Variants in PCDH7 observed in about 807,000 individuals in gnomAD.
PCDH7 encodes protocadherin-7.
PCDH7 carries 17 observed loss-of-function variants against 58.9 expected under a neutral mutation model. The observed-to-expected ratio is 0.29, with a 90% CI of 0.20 to 0.43. The LOEUF is 0.43. Ranked by LOEUF, PCDH7 falls within the 20% of genes least tolerant of loss-of-function variation. PCDH7 has a pLI of 1.00. For missense variants in PCDH7, 1,274 were observed against 1,441.0 expected, an observed-to-expected ratio of 0.88 and a Z score of 1.88; for synonymous variants, 664 against 616.4, an observed-to-expected ratio of 1.08 and a Z score of -1.14.
chr4:31,123,348 C>A (rs1424628586), intron 3 of PCDH7, among the ~76,000 whole-genome samples: 1 of 152,002 alleles, frequency 6.6e-6, no homozygotes, highest in African/African-American at 2.4e-5. Flanking sequence ...AGAAAGAATA[C>A]GTAGAATAGT....
At chr4:30,774,056 C>A (rs1361689959) in intron 1 of PCDH7, among the ~76,000 whole-genome samples, 2 of 152,230 alleles carry the variant, frequency 1.3e-5, no homozygotes, top group African/African-American at 2.4e-5. Flanking sequence ...TCAGCATTTT[C>A]TTTGCTCAGT....
rs180755828 is a variant in PCDH7 at position 30,854,271 on chromosome 4, G to A, written c.71-65882G>A. Among the ~76,000 whole-genome samples, 3 of 148,830 alleles carry A rather than the reference G, an allele frequency of 2.0e-5. No homozygotes were observed. In the Admixed American group the frequency reaches 2.0e-4, roughly 10 times the overall value. On this transcript the variant is annotated intron_variant, in intron 1 of 3. Transcript: ENST00000509759. The stretch of plus-strand genomic sequence containing the variant: ...GGGGCTTTCTTGTGCATTGTGGGAC[G>A]TTTAACTGCATCCCTGGCCCTACAT...
chr4:30,828,028 T>C (rs1729317016), intron 1 of PCDH7, among the ~76,000 whole-genome samples: 1 of 152,196 alleles, frequency 6.6e-6, no homozygotes, highest in South Asian at 2.1e-4. Context: ...ATCTATAAAA[T>C]GAGGATAGCA....
intron 1 of PCDH7, among the ~76,000 whole-genome samples, chr4:30,822,941 T>G (rs1331720238): frequency 6.6e-6 from 1 of 152,116 alleles, no homozygotes; most frequent in Admixed American, 6.5e-5. Context: ...GCGTTTTATA[T>G]GTGAGTAAGA....
chr4:31,027,148 A>G (rs896791059), intron 3 of PCDH7, among the ~76,000 whole-genome samples: 9 of 151,306 alleles, frequency 5.9e-5, no homozygotes, highest in African/African-American at 9.7e-5. Flanking sequence ...ACCAGACCCA[A>G]CTCTTTCTGC....
At chr4:30,842,680 T>A (rs1485746266) in intron 1 of PCDH7, among the ~76,000 whole-genome samples, 3 of 152,092 alleles carry the variant, frequency 2.0e-5, no homozygotes, top group African/African-American at 7.2e-5. Flanking sequence ...GAAGGCAGGT[T>A]GTGAAGGATC....
chr4:30,943,121 C>G (rs1479964693), intron 2 of PCDH7, among the ~76,000 whole-genome samples: 1 of 151,928 alleles, frequency 6.6e-6, no homozygotes, highest in African/African-American at 2.4e-5. Flanking sequence ...TATCATATTT[C>G]TATTTTTAAA....
chr4:31,093,459 T>G (rs1713528908), intron 3 of PCDH7, among the ~76,000 whole-genome samples: 1 of 152,066 alleles, frequency 6.6e-6, no homozygotes, highest in East Asian at 1.9e-4. Flanking sequence ...AATATACATC[T>G]CTGAGTCCAT....
At position 31,048,004 on chromosome 4, in the gene PCDH7, A is replaced by C. The variant is rs533627712; in HGVS notation, c.*8-94469A>C. Among the ~76,000 whole-genome samples the C allele has an allele frequency of 1.0e-3, 156 of 152,128 alleles. 1 individual carries two copies. The highest frequency in any genetic ancestry group is 0.01 in the Middle Eastern group (3 of 294). On this transcript the variant is annotated intron_variant, in intron 3 of 3. Coordinates refer to the PCDH7 transcript ENST00000509759. ...ATAATAAATTTTACCTTATGGTTGC[A>C]TAGTAGTTATACTCCTCAAAACTTT...
At chr4:31,088,676 A>G (rs1016121369) in intron 3 of PCDH7, among the ~76,000 whole-genome samples, 2 of 152,082 alleles carry the variant, frequency 1.3e-5, no homozygotes, top group Non-Finnish European at 2.9e-5. Context: ...GCCTAAAAAC[A>G]TTATTGCTGA....
chr4:30,984,022 A>T (rs570745816), intron 3 of PCDH7, among the ~76,000 whole-genome samples: 1 of 152,302 alleles, frequency 6.6e-6, no homozygotes, highest in South Asian at 2.1e-4. Context: ...TATCCCTAGT[A>T]CTAAGATTGA....
At chr4:31,132,184 A>G (rs1479461376) in intron 3 of PCDH7, among the ~76,000 whole-genome samples, 1 of 152,110 alleles carries the variant, frequency 6.6e-6, no homozygotes, top group African/African-American at 2.4e-5. Context: ...TGCAGAGGCT[A>G]TTTCTTCTCA....
In PCDH7 at chr4:30,723,682, C is replaced by G; in HGVS notation, c.2260C>G (p.Pro754Ala). 2.5e-6 allele frequency: 4 copies of G among 1,614,110 alleles called. No individual in the cohort carries two copies. Among genetic ancestry groups the G allele is most frequent in the Non-Finnish European group, 3.4e-6 (4 of 1,179,982 alleles). Reference sequence around the variant, plus strand: ...CAAAAACATTTCCTACACTTTACTGCCACCTTCGAGTAATGTCAGGACAGT... The same window carrying G: ...CAAAAACATTTCCTACACTTTACTGGCACCTTCGAGTAATGTCAGGACAGT... The change falls in exon 1 of 2, where the codon CCA becomes GCA. Residue 754 changes from proline to alanine, a missense_variant. Coordinates refer to ENST00000361762, the Ensembl canonical transcript of PCDH7. This position sits in a 1 kb window ranked among gnomAD's most constrained non-coding sequence, Gnocchi z 4.6.
chr4:31,014,159 TG>T lies in PCDH7; in HGVS notation c.*7+63946del, dbSNP rs549904339. On this transcript the variant is annotated intron_variant, in intron 3 of 3. Transcript: ENST00000509759. Reference sequence around the variant, plus strand: ...GCATTGCTATAGAAAAAAAAGGAAGTGGCCTATTTAAATTATACAGCAAAAA... The same window carrying T: ...GCATTGCTATAGAAAAAAAAGGAAGTGCCTATTTAAATTATACAGCAAAAA... Among the ~76,000 whole-genome samples, 5 of 152,014 alleles carry T rather than the reference TG, an allele frequency of 3.3e-5. No individual in the cohort carries two copies. The East Asian group carries it at 9.7e-4, about 29-fold the overall frequency.
chr4:30,990,835 C>A (rs970006880), intron 3 of PCDH7, among the ~76,000 whole-genome samples: 3 of 152,114 alleles, frequency 2.0e-5, no homozygotes, highest in African/African-American at 7.2e-5. Context: ...CTCAACTTCC[C>A]ATTTTTAAAA....
intron 3 of PCDH7, among the ~76,000 whole-genome samples, chr4:31,023,701 C>T (rs1222594163): frequency 6.6e-6 from 1 of 152,082 alleles, no homozygotes; most frequent in East Asian, 1.9e-4. Flanking sequence ...TTCCTCCTTC[C>T]TTCCTTCCTG....
intron 3 of PCDH7, among the ~76,000 whole-genome samples, chr4:31,115,585 G>A (rs550598649): frequency 6.6e-6 from 1 of 152,038 alleles, no homozygotes; most frequent in African/African-American, 2.4e-5. Context: ...AAAACAGTAG[G>A]ATTCTTGTTT....
intron 1 of PCDH7, among the ~76,000 whole-genome samples, chr4:30,828,532 T>C (rs1327954240): frequency 1.3e-5 from 2 of 151,892 alleles, no homozygotes; most frequent in Non-Finnish European, 2.9e-5. Flanking sequence ...AGAATGCATG[T>C]GTTCATCATG....
At chr4:30,827,955 G>T (rs1729309203) in intron 1 of PCDH7, among the ~76,000 whole-genome samples, 1 of 152,116 alleles carries the variant, frequency 6.6e-6, no homozygotes, top group Admixed American at 6.6e-5. Context: ...AAGTCCAGCA[G>T]CATCATTTAT....
Sources: gnomAD v4.1 joint callset for allele counts (sites outside exome capture counted in the v4.1 genomes callset) on GRCh38, gnomAD v4.1.1 for gene constraint, Gnocchi (gnomAD v3.1) non-coding constraint, MANE v1.5 for transcripts, NCBI Gene and HGNC (gene_info 2026-07-23, HGNC 2026-07-21) for gene names.